FBXL17: variants seen among roughly 807,000 people sequenced by gnomAD.
The protein encoded by FBXL17 is F-box and leucine rich repeat protein 17.
FBXL17 carries 22 observed loss-of-function variants against 66.2 expected under a neutral mutation model. That is an observed-to-expected ratio of 0.33 (90% CI 0.24 to 0.47). The LOEUF (loss-of-function observed/expected upper bound fraction) is 0.47. Among genes scored for constraint, FBXL17 ranks in the 20% least tolerant of loss-of-function variants. The pLI is 1.00. For synonymous variants in FBXL17, 474 were observed against 400.5 expected (o/e 1.18, Z -2.19); for missense variants, 878 against 948.2 (o/e 0.93, Z 0.97).
chr5:108,346,387 A>G (rs1296723665), intron 4 of FBXL17, among the ~76,000 whole-genome samples: 1 of 152,156 alleles, frequency 6.6e-6, no homozygotes, highest in Non-Finnish European at 1.5e-5. Flanking sequence ...CATATTTTTA[A>G]TGTACCAAAA....
chr5:108,154,392 G>A (rs1183428440), intron 6 of FBXL17, among the ~76,000 whole-genome samples: 11 of 150,116 alleles, frequency 7.3e-5, no homozygotes, highest in Non-Finnish European at 7.4e-5. Context: ...TCAGGAGTTC[G>A]AGACCAGCCT....
chr5:107,976,991 G>A (rs1752604653), intron 7 of FBXL17, among the ~76,000 whole-genome samples: 1 of 152,184 alleles, frequency 6.6e-6, no homozygotes, highest in Non-Finnish European at 1.5e-5. Context: ...TGGGACTGGA[G>A]AATAGGGTTG....
At chr5:108,080,786 T>C (rs1748731798) in intron 6 of FBXL17, among the ~76,000 whole-genome samples, 1 of 151,992 alleles carries the variant, frequency 6.6e-6, no homozygotes, top group Non-Finnish European at 1.5e-5. Flanking sequence ...ATGGAATCAG[T>C]AGAAAAGAGT....
chr5:107,975,897 T>C (rs1257876561), intron 7 of FBXL17, among the ~76,000 whole-genome samples: 1 of 149,438 alleles, frequency 6.7e-6, no homozygotes, highest in African/African-American at 2.5e-5. Context: ...TCTCACTCTG[T>C]CACCAGGCTG....
At chr5:108,365,545 A>G (rs868177109) in intron 2 of FBXL17, among the ~76,000 whole-genome samples, 1 of 152,102 alleles carries the variant, frequency 6.6e-6, no homozygotes, top group Non-Finnish European at 1.5e-5. Flanking sequence ...GCCCTGAGCT[A>G]TATCTTTTAT....
intron 6 of FBXL17, among the ~76,000 whole-genome samples, chr5:108,129,157 T>C (rs1473615646): frequency 6.6e-6 from 1 of 152,156 alleles, no homozygotes; most frequent in Non-Finnish European, 1.5e-5. Context: ...CAATCTACTG[T>C]TATTGCATCC....
chr5:108,274,711 A>G (rs751900236), intron 4 of FBXL17, among the ~76,000 whole-genome samples: 1 of 152,206 alleles, frequency 6.6e-6, no homozygotes, highest in Non-Finnish European at 1.5e-5. Context: ...AAAGACAGGC[A>G]TAAGTATAAA....
chr5:108,158,856 C>G (rs1752100038), intron 6 of FBXL17, among the ~76,000 whole-genome samples: 1 of 151,970 alleles, frequency 6.6e-6, no homozygotes, highest in Admixed American at 6.6e-5. Flanking sequence ...AAGACAATAG[C>G]ATCTGGAAGC....
intron 6 of FBXL17, among the ~76,000 whole-genome samples, chr5:108,089,411 T>C (rs1749104634): frequency 6.6e-6 from 1 of 152,312 alleles, no homozygotes; most frequent in Admixed American, 6.5e-5. Flanking sequence ...ACTCCTACCA[T>C]GGACCTTTAG....
At chr5:108,046,447 T>A (rs1310658596) in intron 6 of FBXL17, among the ~76,000 whole-genome samples, 1 of 152,202 alleles carries the variant, frequency 6.6e-6, no homozygotes, top group South Asian at 2.1e-4. Context: ...TTAATATAAT[T>A]ATTGATATGT....
rs1018652274 is a variant in FBXL17, at chr5:108,376,925, A to G, written c.993+3774T>C. ...GCGTGAGCCACCGCACCTGGCCACCAGTGTAGAATTTTATATTTCTGAGCC... is the reference window on the plus strand; with the variant it reads ...GCGTGAGCCACCGCACCTGGCCACCGGTGTAGAATTTTATATTTCTGAGCC... On this transcript the variant is annotated intron_variant, in intron 1 of 8. Transcript: ENST00000542267. Among the ~76,000 whole-genome samples, 3 of 151,758 alleles carry G rather than the reference A, an allele frequency of 2.0e-5. No homozygotes were observed. In the South Asian group the frequency reaches 6.2e-4, roughly 32 times the overall value.
At chr5:107,989,402 T>C (rs1160031442) in intron 7 of FBXL17, among the ~76,000 whole-genome samples, 1 of 152,136 alleles carries the variant, frequency 6.6e-6, no homozygotes, top group Non-Finnish European at 1.5e-5. Context: ...TTTCTGTGCC[T>C]GGTTTATTTC....
chr5:108,086,721 C>T (rs1394569170), intron 6 of FBXL17, among the ~76,000 whole-genome samples: 1 of 152,074 alleles, frequency 6.6e-6, no homozygotes, highest in Non-Finnish European at 1.5e-5. Flanking sequence ...CCACCACACC[C>T]AGCTAATTTT....
chr5:107,967,998 G>A (rs1046972392), intron 7 of FBXL17, among the ~76,000 whole-genome samples: 4 of 152,082 alleles, frequency 2.6e-5, no homozygotes, highest in Non-Finnish European at 5.9e-5. Context: ...AGCTATTCCA[G>A]TTATACTAAG....
intron 6 of FBXL17, among the ~76,000 whole-genome samples, chr5:108,050,012 G>A (rs1372933516): frequency 1.4e-5 from 2 of 138,228 alleles, no homozygotes; most frequent in Non-Finnish European, 3.3e-5. Flanking sequence ...TAAAGGTAAA[G>A]GGATCAATTC....
chr5:108,046,756 C>T (rs944830199), intron 6 of FBXL17, among the ~76,000 whole-genome samples: 4 of 152,140 alleles, frequency 2.6e-5, no homozygotes, highest in Non-Finnish European at 5.9e-5. Flanking sequence ...AATATTTCCT[C>T]TGCATATATT....
chr5:108,277,825 T>C (rs1030924395), intron 4 of FBXL17, among the ~76,000 whole-genome samples: 2 of 152,370 alleles, frequency 1.3e-5, no homozygotes, highest in Admixed American at 1.3e-4. Flanking sequence ...GGTGTGTTTA[T>C]ACTACACTGT....
intron 6 of FBXL17, among the ~76,000 whole-genome samples, chr5:108,034,434 G>A (rs1178267884): frequency 2.0e-5 from 3 of 152,130 alleles, no homozygotes; most frequent in African/African-American, 7.2e-5. Context: ...CCAGAAACTG[G>A]ATTAGGACTC....
chr5:107,880,725 A>G (rs1455468713), intron 8 of FBXL17: 1 of 1,288,774 alleles, frequency 7.8e-7, no homozygotes. Flanking sequence ...GCAGTTTGTC[A>G]TGTAATCTTT....
Sources: gnomAD v4.1 joint callset for allele counts (sites outside exome capture counted in the v4.1 genomes callset) on GRCh38, gnomAD v4.1.1 for gene constraint, MANE v1.5 for transcripts, NCBI Gene and HGNC (gene_info 2026-07-23, HGNC 2026-07-21) for gene names.